Variants in CELF2 observed in about 807,000 individuals in gnomAD.
The protein encoded by CELF2 is CUG triplet repeat RNA-binding protein 2.
In CELF2, 8 loss-of-function variants were observed where a neutral mutation model predicts 62.6. That is an observed-to-expected ratio of 0.13 (90% CI 0.07 to 0.23). CELF2 has a LOEUF of 0.23. CELF2 is among the 10% of genes least tolerant of loss of function. CELF2 has a pLI of 1.00. For synonymous variants in CELF2, 258 were observed against 250.0 expected, an observed-to-expected ratio of 1.03 and a Z score of -0.30; for missense variants, 333 against 671.0, an observed-to-expected ratio of 0.50 and a Z score of 5.56.
At chr10:10,847,697 T>C (rs573020913) in intron 1 of CELF2, among the ~76,000 whole-genome samples, 3 of 152,360 alleles carry the variant, frequency 2.0e-5, no homozygotes, top group Admixed American at 2.0e-4. Flanking sequence ...GTGTCTGTTT[T>C]AAAGCAGTGG....
chr10:10,690,126 C>T, the CELF2 span, among the ~76,000 whole-genome samples: 1 of 152,156 alleles, frequency 6.6e-6, no homozygotes, highest in Non-Finnish European at 1.5e-5. Flanking sequence ...ATTCTGACCT[C>T]TCTCCTCTTC....
chr10:11,275,512 G>C (rs1299006559), intron 8 of CELF2, among the ~76,000 whole-genome samples: 1 of 152,096 alleles, frequency 6.6e-6, no homozygotes, highest in African/African-American at 2.4e-5. Context: ...TTTAATAATA[G>C]ACAGTCAATA....
At chr10:10,915,900 G>A (rs1367546105) in intron 1 of CELF2, among the ~76,000 whole-genome samples, 1 of 152,222 alleles carries the variant, frequency 6.6e-6, no homozygotes, top group Non-Finnish European at 1.5e-5. Context: ...CGTAGATTAA[G>A]TGCTAATGAA....
At chr10:10,584,108 C>A in the CELF2 span, among the ~76,000 whole-genome samples, 6 of 152,114 alleles carry the variant, frequency 3.9e-5, no homozygotes, top group African/African-American at 1.4e-4. Flanking sequence ...CACCACCTAC[C>A]TAAAAACAAG....
At chr10:10,571,147 G>A in the CELF2 span, among the ~76,000 whole-genome samples, 1 of 151,860 alleles carries the variant, frequency 6.6e-6, no homozygotes, top group African/African-American at 2.4e-5. Context: ...CAGCATCAGA[G>A]GACTGAAAAA....
At chr10:11,025,399 G>T (rs190933717) in intron 1 of CELF2, among the ~76,000 whole-genome samples, 1 of 152,026 alleles carries the variant, frequency 6.6e-6, no homozygotes, top group Non-Finnish European at 1.5e-5. Context: ...ACAGTTTCTC[G>T]TGTGCTGTCC....
rs1003058804 is a variant in CELF2 at position 11,331,536 on chromosome 10, G to T, written c.*2483G>T. 2 of 151,250 alleles carry T rather than the reference G, an allele frequency of 1.3e-5. No individual in the cohort carries two copies. Among genetic ancestry groups the T allele is most frequent in the Non-Finnish European group, 3.0e-5 (2 of 67,790 alleles). The allele number at this position is 151,250 out of a possible 1,614,324, so 9.4% of individuals were successfully genotyped here. A position where few individuals can be genotyped will look rare whatever the true frequency, so the allele number is the denominator to read the frequency against. The stretch of plus-strand genomic sequence containing the variant: ...TACTTCCTTCCTAGAGCTTCAGTGT[G>T]TTTCTTGTGAGAAGTAATTTGATAA... On this transcript the variant is annotated 3_prime_UTR_variant, in exon 13 of 13. Coordinates refer to ENST00000633077, the MANE Select transcript of CELF2 (RefSeq NM_001326342.2).
chr10:10,507,024 T>C, the CELF2 span, among the ~76,000 whole-genome samples: 1 of 152,212 alleles, frequency 6.6e-6, no homozygotes, highest in African/African-American at 2.4e-5. Flanking sequence ...GGATGTGCTT[T>C]GTAGACCACA....
At chr10:10,629,931 T>C in the CELF2 span, among the ~76,000 whole-genome samples, 3 of 147,374 alleles carry the variant, frequency 2.0e-5, no homozygotes, top group East Asian at 4.0e-4. Flanking sequence ...GCCTATTAGA[T>C]GTCTTGCTCC....
chr10:10,721,196 A>G, the CELF2 span, among the ~76,000 whole-genome samples: 10 of 152,250 alleles, frequency 6.6e-5, no homozygotes. Flanking sequence ...TTATTCCTGC[A>G]CTATTTGGGG....
intron 4 of CELF2, among the ~76,000 whole-genome samples, chr10:11,254,208 C>CA (rs1321535776): frequency 3.3e-5 from 5 of 152,180 alleles, no homozygotes; most frequent in African/African-American, 1.2e-4. Context: ...ACTGGAAAAC[C>CA]AAAAAAACTC....
chr10:11,120,525 A>C (rs1050262284), intron 1 of CELF2, among the ~76,000 whole-genome samples: 10 of 152,212 alleles, frequency 6.6e-5, no homozygotes, highest in African/African-American at 2.4e-4. Context: ...CCATCTATGC[A>C]GTTGAAATTT....
chr10:10,608,946 G>A, the CELF2 span, among the ~76,000 whole-genome samples: 1 of 152,150 alleles, frequency 6.6e-6, no homozygotes. Flanking sequence ...TCCAGAAATG[G>A]GGGCAGGGCA....
chr10:11,301,400 TC>T (rs1438971794), intron 9 of CELF2, among the ~76,000 whole-genome samples: 3 of 7,388 alleles, frequency 4.1e-4, no homozygotes, highest in African/African-American at 1.2e-3. Context: ...TCCCCCCGCT[TC>T]CCCCCCTCCC....
chr10:11,120,565 C>G (rs946522108), intron 1 of CELF2, among the ~76,000 whole-genome samples: 2 of 152,048 alleles, frequency 1.3e-5, no homozygotes, highest in African/African-American at 4.8e-5. Context: ...TTCCCCTCCC[C>G]ACCAGAAGTA....
intron 1 of CELF2, among the ~76,000 whole-genome samples, chr10:11,116,853 G>A (rs1223570703): frequency 3.9e-5 from 6 of 152,158 alleles, no homozygotes; most frequent in East Asian, 3.8e-4. Context: ...TTATTCATTC[G>A]TTAACCAACA....
intron 8 of CELF2, among the ~76,000 whole-genome samples, chr10:11,277,579 A>G (rs1003779610): frequency 6.6e-6 from 1 of 152,268 alleles, no homozygotes; most frequent in Non-Finnish European, 1.5e-5. Flanking sequence ...CTCAACAGAC[A>G]TAAATCCCCA....
the CELF2 span, among the ~76,000 whole-genome samples, chr10:10,777,493 A>G: frequency 6.6e-6 from 1 of 152,058 alleles, no homozygotes; most frequent in African/African-American, 2.4e-5. Context: ...ACATCCCATC[A>G]GCCACTCAGT....
chr10:10,753,959 C>T, the CELF2 span, among the ~76,000 whole-genome samples: 1 of 151,228 alleles, frequency 6.6e-6, no homozygotes, highest in Non-Finnish European at 1.5e-5. Context: ...AGATCAAATG[C>T]ATTGATGCAA....
Sources: allele counts gnomAD v4.1 joint callset (sites outside exome capture counted in the v4.1 genomes callset), GRCh38; gene constraint gnomAD v4.1.1; transcripts MANE v1.5; gene names NCBI Gene and HGNC (gene_info 2026-07-23, HGNC 2026-07-21).